Variants in IGSF3 observed in about 807,000 individuals in gnomAD.
IGSF3 encodes the protein immunoglobulin superfamily member 3, also known as glu-Trp-Ile EWI motif-containing protein 3.
A neutral mutation model predicts 114.4 loss-of-function variants in IGSF3; 23 were observed. The observed-to-expected ratio is 0.20, with a 90% CI of 0.14 to 0.28. IGSF3 has a LOEUF of 0.28. Among genes scored for constraint, IGSF3 ranks in the 10% least tolerant of loss-of-function variants. IGSF3 has a pLI of 1.00. For synonymous variants in IGSF3, 571 were observed against 645.2 expected, an observed-to-expected ratio of 0.88 and a Z score of 1.74; for missense variants, 1,172 against 1,591.5, an observed-to-expected ratio of 0.74 and a Z score of 4.48.
In IGSF3 at chr1:116,628,390, G is replaced by A. The variant is rs1021340052; in HGVS notation, c.44-11933C>T. ...AATTCCCCAGAAAGCAATCTGACTG[G>A]CTGGGAGACTTTTTTTTTTAACCAG... On this transcript the variant is annotated intron_variant, in intron 2 of 10. Coordinates refer to ENST00000369486, the MANE Select transcript of IGSF3 (RefSeq NM_001007237.3). This position sits in a 1 kb window ranked among gnomAD's most constrained non-coding sequence, Gnocchi z 4.2. Among the ~76,000 whole-genome samples, 2 of 152,102 alleles carry A rather than the reference G, an allele frequency of 1.3e-5. No homozygotes were observed. Among genetic ancestry groups the A allele is most frequent in the African/African-American group, 4.8e-5 (2 of 41,408 alleles).
At chr1:116,591,360 A>C (rs1457649169) in intron 7 of IGSF3, among the ~76,000 whole-genome samples, 1 of 152,172 alleles carries the variant, frequency 6.6e-6, no homozygotes, top group East Asian at 1.9e-4. Flanking sequence ...TGGGTTGTTC[A>C]GCATGGAGTA....
chr1:116,610,545 T>C lies in IGSF3; in HGVS notation c.833-2214A>G, dbSNP rs1000630325. Among the ~76,000 whole-genome samples the C allele has an allele frequency of 1.3e-5, 2 of 152,138 alleles. No individual in the cohort carries two copies. Among genetic ancestry groups the C allele is most frequent in the African/African-American group, 4.8e-5 (2 of 41,430 alleles). ...TCACTGAAATTAGGCTTCACTGACT[T>C]AGCAAATGTCACAAATGATCCACCC... On this transcript the variant is annotated intron_variant, in intron 4 of 10. Coordinates refer to ENST00000369486, the MANE Select transcript of IGSF3 (RefSeq NM_001007237.3). This position sits in a 1 kb window ranked among gnomAD's most constrained non-coding sequence, Gnocchi z 4.3.
rs3965215 is a variant in IGSF3, at chr1:116,592,372, T to G, written c.2030-3268A>C. The stretch of plus-strand genomic sequence containing the variant: ...AAGAGACAGGAAGAGGGTCCGAGAG[T>G]TGCTCCAGCTCACGCCAGCAGCTGC... On this transcript the variant is annotated intron_variant, in intron 7 of 10. Transcript: ENST00000369486. The surrounding 1 kb of genome is among the most constrained non-coding windows in gnomAD (Gnocchi z 4.5). 7.2e-5 allele frequency among the ~76,000 whole-genome samples: 11 copies of G among 151,930 alleles called. No individual in the cohort carries two copies. Among genetic ancestry groups the G allele is most frequent in the African/African-American group, 2.7e-4 (11 of 41,354 alleles).
rs998843861 is a variant in IGSF3, at chr1:116,644,858, C to T, written c.43+21426G>A. Among the ~76,000 whole-genome samples the T allele has an allele frequency of 3.9e-5, 6 of 152,248 alleles. No individual in the cohort carries two copies. Among genetic ancestry groups the T allele is most frequent in the African/African-American group, 9.6e-5 (4 of 41,542 alleles). On this transcript the variant is annotated intron_variant, in intron 2 of 10. Coordinates refer to ENST00000369486, the MANE Select transcript of IGSF3 (RefSeq NM_001007237.3). This position sits in a 1 kb window ranked among gnomAD's most constrained non-coding sequence, Gnocchi z 5.6. ...CCCACCTCAGCAGCCAGTGACACTA[C>T]GATATAGGGAAAAGAACCTAGATTA...
In IGSF3 at chr1:116,664,888, A is replaced by C. The variant is rs1444404585; in HGVS notation, c.43+1396T>G. On this transcript the variant is annotated intron_variant, in intron 2 of 10. Transcript: ENST00000369486. The surrounding 1 kb of genome is among the most constrained non-coding windows in gnomAD (Gnocchi z 4.6). ...ATTACCTGAGATAGCTCAAAGGCTG[A>C]GACCTGGGTCCCACTCCCTAAGCGA... Among the ~76,000 whole-genome samples the C allele has an allele frequency of 6.6e-6, 1 of 152,218 alleles. No homozygotes were observed. Among genetic ancestry groups the C allele is most frequent in the Non-Finnish European group, 1.5e-5 (1 of 68,040 alleles).
intron 1 of IGSF3, 53 bp downstream of exon 1, chr1:116,667,565 C>T (rs1322652674): frequency 6.6e-6 from 1 of 151,302 alleles, no homozygotes; most frequent in Non-Finnish European, 1.5e-5. Flanking sequence ...GCCTCCCCGC[C>T]TCCCTCCCCG....
Position 116,648,694 on chromosome 1 carries a change from T to C in IGSF3, c.43+17590A>G, listed in dbSNP as rs1648507057. On this transcript the variant is annotated intron_variant, in intron 2 of 10. Transcript: ENST00000369486. The surrounding 1 kb of genome is among the most constrained non-coding windows in gnomAD (Gnocchi z 4.7). ...TGGGAAAGATTTGAAAGATGGGATTTGCACCTTATTCCTATTCAGGTCTGG... is the reference window on the plus strand; with the variant it reads ...TGGGAAAGATTTGAAAGATGGGATTCGCACCTTATTCCTATTCAGGTCTGG... 6.6e-6 allele frequency among the ~76,000 whole-genome samples: 1 copy of C among 152,220 alleles called. No homozygotes were observed. Among genetic ancestry groups the C allele is most frequent in the Admixed American group, 6.5e-5 (1 of 15,280 alleles).
Position 116,585,022 on chromosome 1 carries a change from C to T in IGSF3, c.2471G>A (p.Gly824Glu), listed in dbSNP as rs76503986. The T allele has an allele frequency of 2.5e-3, 3,888 of 1,555,334 alleles. 45 individuals are homozygous for T. The African/African-American group carries it at 0.025, about 10-fold the overall frequency. The stretch of plus-strand genomic sequence containing the variant: ...CCGGGTCTCCAGAACCGACAGGTTC[C>T]CCTGGGCTTGGCTGAGCCTCAGGCG... ...DSRLRLSQAQ[G>E]NLSVLETRQV... is the part of the protein sequence containing the mutation. Residue 824 changes from glycine to glutamate, a missense_variant, in exon 9 of 11, where the codon GGG becomes GAG. Coordinates refer to ENST00000369486, the MANE Select transcript of IGSF3 (RefSeq NM_001007237.3). This position sits in a 1 kb window ranked among gnomAD's most constrained non-coding sequence, Gnocchi z 4.9.
At chr1:116,617,673 G>C (rs1304146499) in intron 2 of IGSF3, among the ~76,000 whole-genome samples, 1 of 152,150 alleles carries the variant, frequency 6.6e-6, no homozygotes, top group Admixed American at 6.5e-5. Context: ...GGATAATAAT[G>C]CCTGTCTCAT....
At position 116,664,931 on chromosome 1, in the gene IGSF3, T is replaced by C; in HGVS notation, c.43+1353A>G. On this transcript the variant is annotated intron_variant, in intron 2 of 10. Coordinates refer to ENST00000369486, the MANE Select transcript of IGSF3 (RefSeq NM_001007237.3). The surrounding 1 kb of genome is among the most constrained non-coding windows in gnomAD (Gnocchi z 4.6). ...CTAAGCGAGTTTGGTTTCACTGATC[T>C]GGGGTTGTTGCCTGAAATCAGAATT... Among the ~76,000 whole-genome samples the C allele has an allele frequency of 6.6e-6, 1 of 152,222 alleles. No individual in the cohort carries two copies. Among genetic ancestry groups the C allele is most frequent in the East Asian group, 1.9e-4 (1 of 5,204 alleles).
intron 4 of IGSF3, among the ~76,000 whole-genome samples, chr1:116,609,090 G>A (rs1427159200): frequency 6.6e-6 from 1 of 151,610 alleles, no homozygotes; most frequent in Admixed American, 6.6e-5. Flanking sequence ...AAGTACTCAC[G>A]CCTGGTTAAA....
chr1:116,663,024 G>C (rs192891962), intron 2 of IGSF3, among the ~76,000 whole-genome samples: 1 of 152,266 alleles, frequency 6.6e-6, no homozygotes, highest in Admixed American at 6.5e-5. Context: ...TCTCCCTCTG[G>C]AGCAGAACAC....
At position 116,655,316 on chromosome 1, in the gene IGSF3, T is replaced by C. The variant is rs1474200610; in HGVS notation, c.43+10968A>G. Among the ~76,000 whole-genome samples the C allele has an allele frequency of 6.6e-6, 1 of 152,170 alleles. No individual in the cohort carries two copies. Among genetic ancestry groups the C allele is most frequent in the South Asian group, 2.1e-4 (1 of 4,834 alleles). ...CCCCCAGAGGTCTCAGGACAAGGGA[T>C]AGAAAGTCAAACACTGATGTTTAAG... On this transcript the variant is annotated intron_variant, in intron 2 of 10. Coordinates refer to ENST00000369486, the MANE Select transcript of IGSF3 (RefSeq NM_001007237.3). The surrounding 1 kb of genome is among the most constrained non-coding windows in gnomAD (Gnocchi z 4.3).
intron 2 of IGSF3, among the ~76,000 whole-genome samples, chr1:116,619,720 C>A (rs1276397847): frequency 6.6e-6 from 1 of 152,094 alleles, no homozygotes; most frequent in Non-Finnish European, 1.5e-5. Flanking sequence ...CCCACAGCCC[C>A]TCTCTCTCCC....
chr1:116,666,225 AG>A (rs1649325832), intron 2 of IGSF3, 58 bp downstream of exon 2: 1 of 1,478,986 alleles, frequency 6.8e-7, no homozygotes, highest in Non-Finnish European at 9.5e-7. Context: ...GAGAAATTAC[AG>A]GAACCAAGAG....
At position 116,632,784 on chromosome 1, in the gene IGSF3, G is replaced by GA. The variant is rs1317182424; in HGVS notation, c.44-16328dup. 6.6e-6 allele frequency among the ~76,000 whole-genome samples: 1 copy of GA among 152,182 alleles called. No individual in the cohort carries two copies. Among genetic ancestry groups the GA allele is most frequent in the Non-Finnish European group, 1.5e-5 (1 of 68,020 alleles). The stretch of plus-strand genomic sequence containing the variant: ...TGAGGGAGAACCACAGCCAACTCCA[G>GA]AAAAATAAAAGGCTGCAGCGAGAAA... On this transcript the variant is annotated intron_variant, in intron 2 of 10. Transcript: ENST00000369486. The surrounding 1 kb of genome is among the most constrained non-coding windows in gnomAD (Gnocchi z 5.1).
At chr1:116,623,465 C>A (rs1661479991) in intron 2 of IGSF3, among the ~76,000 whole-genome samples, 1 of 151,748 alleles carries the variant, frequency 6.6e-6, no homozygotes, top group Non-Finnish European at 1.5e-5. Context: ...GCAGATGGAT[C>A]ACTTGAGGTT....
In IGSF3 at chr1:116,618,569, T is replaced by C. The variant is rs1661302684; in HGVS notation, c.44-2112A>G. On this transcript the variant is annotated intron_variant, in intron 2 of 10. Coordinates refer to ENST00000369486, the MANE Select transcript of IGSF3 (RefSeq NM_001007237.3). The surrounding 1 kb of genome is among the most constrained non-coding windows in gnomAD (Gnocchi z 4.7). ...CAGTGCTGGGACATTTCATTTTCCA[T>C]AATAAAATATATAAATGAAAATATA... Among the ~76,000 whole-genome samples the C allele has an allele frequency of 6.6e-6, 1 of 152,194 alleles. No homozygotes were observed. Among genetic ancestry groups the C allele is most frequent in the South Asian group, 2.1e-4 (1 of 4,832 alleles).
In IGSF3 at chr1:116,588,544, G is replaced by A; in HGVS notation, c.2440+150C>T. The A allele has an allele frequency of 4.2e-6, 3 of 710,596 alleles. No individual in the cohort carries two copies. Among genetic ancestry groups the A allele is most frequent in the Non-Finnish European group, 4.7e-6 (2 of 426,990 alleles). 44.0% of individuals were successfully genotyped at this position (710,596 alleles called of 1,614,324 possible). ...GGTAAAATGGATGGGATTGCAGTGT[G>A]CTAGGGTGATGGTCCGTGTACCTGC... On this transcript the variant is annotated intron_variant, in intron 8 of 10. Transcript: ENST00000369486. The surrounding 1 kb of genome is among the most constrained non-coding windows in gnomAD (Gnocchi z 4.9).
Sources: gnomAD v4.1 joint callset for allele counts (sites outside exome capture counted in the v4.1 genomes callset) on GRCh38, gnomAD v4.1.1 for gene constraint, Gnocchi (gnomAD v3.1) non-coding constraint, MANE v1.5 for transcripts, NCBI Gene and HGNC (gene_info 2026-07-23, HGNC 2026-07-21) for gene names.